UNC13C: variants seen among roughly 807,000 people sequenced by gnomAD.
UNC13C encodes the protein protein unc-13 homolog C.
UNC13C carries 174 observed loss-of-function variants against 245.4 expected under a neutral mutation model. That is an observed-to-expected ratio of 0.71 (90% CI 0.63 to 0.80). The LOEUF is 0.80. Ranked by LOEUF, UNC13C falls within the 30% of genes least tolerant of loss-of-function variation. The pLI is 0.00. For missense variants in UNC13C, 2,829 were observed against 2,602.9 expected (o/e 1.09, Z -1.89); for synonymous variants, 992 against 895.1 (o/e 1.11, Z -1.93).
the UNC13C span, among the ~76,000 whole-genome samples, chr15:53,851,908 A>G: frequency 3.3e-5 from 5 of 152,172 alleles, no homozygotes; most frequent in African/African-American, 1.2e-4. Flanking sequence ...ACCTCATCCC[A>G]TGCATCTCTT....
chr15:53,864,857 T>G, the UNC13C span, among the ~76,000 whole-genome samples: 1 of 152,186 alleles, frequency 6.6e-6, no homozygotes, highest in Non-Finnish European at 1.5e-5. Flanking sequence ...TATCATGCAA[T>G]TCGGTTTGTA....
At chr15:54,170,915 G>C (rs1381285061) in intron 4 of UNC13C, among the ~76,000 whole-genome samples, 1 of 152,154 alleles carries the variant, frequency 6.6e-6, no homozygotes, top group African/African-American at 2.4e-5. Context: ...GCAAGACTCA[G>C]ATGGCATCCC....
chr15:54,448,927 C>A (rs960237569), intron 19 of UNC13C, among the ~76,000 whole-genome samples: 1 of 152,090 alleles, frequency 6.6e-6, no homozygotes, highest in Non-Finnish European at 1.5e-5. Context: ...TGTTCCTTTC[C>A]ATGTTTAGTG....
At chr15:53,963,172 A>G in the UNC13C span, among the ~76,000 whole-genome samples, 3,439 of 152,218 alleles carry the variant, frequency 0.023, 169 homozygotes, top group East Asian at 0.16. Context: ...TGAGGTTTAC[A>G]TTATGGTTTA....
chr15:54,222,762 T>C (rs2035264112), intron 4 of UNC13C, among the ~76,000 whole-genome samples: 3 of 152,200 alleles, frequency 2.0e-5, no homozygotes, highest in South Asian at 4.1e-4. Context: ...TCATTTTGCC[T>C]GGTATTTGGA....
chr15:53,975,659 T>G (rs1230502868), upstream of UNC13C, among the ~76,000 whole-genome samples: 3 of 152,220 alleles, frequency 2.0e-5, no homozygotes, highest in African/African-American at 7.2e-5. Context: ...TTAGTCAAGC[T>G]TCACTACTAC....
intron 19 of UNC13C, among the ~76,000 whole-genome samples, chr15:54,443,360 T>C (rs1407264858): frequency 6.6e-6 from 1 of 152,080 alleles, no homozygotes; most frequent in Non-Finnish European, 1.5e-5. Flanking sequence ...AAAATCCAAT[T>C]TGTTTCATTG....
At chr15:54,184,491 C>A (rs996629458) in intron 4 of UNC13C, among the ~76,000 whole-genome samples, 2 of 152,022 alleles carry the variant, frequency 1.3e-5, no homozygotes, top group African/African-American at 4.8e-5. Context: ...TCGATCAATT[C>A]CCACCTATGA....
chr15:54,197,432 C>T (rs1046907184), intron 4 of UNC13C, among the ~76,000 whole-genome samples: 5 of 150,362 alleles, frequency 3.3e-5, no homozygotes, highest in South Asian at 2.1e-4. Context: ...CACTGCACTA[C>T]AGCCTGGGTG....
At chr15:54,406,124 C>T (rs1279254019) in intron 18 of UNC13C, among the ~76,000 whole-genome samples, 2 of 151,986 alleles carry the variant, frequency 1.3e-5, no homozygotes, top group Non-Finnish European at 2.9e-5. Flanking sequence ...CGGGAGACTT[C>T]AAAGGAAATA....
In UNC13C at chr15:54,145,184, A is replaced by G. The variant is rs150513782; in HGVS notation, c.3071+1500A>G. On this transcript the variant is annotated intron_variant, in intron 4 of 32. Coordinates refer to ENST00000260323, the MANE Select transcript of UNC13C (RefSeq NM_001080534.3). The stretch of plus-strand genomic sequence containing the variant: ...ATACATTTATGTACAGTATAAATAG[A>G]AGCAAAATTTAGAGGCATGTTTTAG... Among the ~76,000 whole-genome samples the G allele has an allele frequency of 1.4e-4, 22 of 152,182 alleles. No homozygotes were observed. The South Asian group carries it at 4.4e-3, about 30-fold the overall frequency.
intron 4 of UNC13C, among the ~76,000 whole-genome samples, chr15:54,165,753 G>T (rs1166132876): frequency 6.6e-6 from 1 of 151,842 alleles, no homozygotes; most frequent in Non-Finnish European, 1.5e-5. Context: ...TTAGTAAATT[G>T]TCCTCAACAT....
intron 20 of UNC13C, among the ~76,000 whole-genome samples, chr15:54,498,377 G>T (rs552942807): frequency 6.6e-6 from 1 of 152,016 alleles, no homozygotes; most frequent in African/African-American, 2.4e-5. Context: ...TCAACTCCAA[G>T]AAGATAATTA....
At chr15:54,138,952 A>ACTTTTTTTTTTTTT (rs1360382837) in intron 2 of UNC13C, among the ~76,000 whole-genome samples, 1 of 20,496 alleles carries the variant, frequency 4.9e-5, no homozygotes, top group Non-Finnish European at 1.1e-4. Context: ...AATTTCCCCT[A>ACTTTTTTTTTTTTT]ATTTTTTTTT....
chr15:53,853,412 A>C, the UNC13C span, among the ~76,000 whole-genome samples: 1 of 152,148 alleles, frequency 6.6e-6, no homozygotes, highest in Non-Finnish European at 1.5e-5. Flanking sequence ...ATTGATGGTC[A>C]TTTGGGTTGA....
intron 26 of UNC13C, among the ~76,000 whole-genome samples, chr15:54,541,949 C>T (rs1422827656): frequency 6.6e-6 from 1 of 151,954 alleles, no homozygotes; most frequent in African/African-American, 2.4e-5. Context: ...TGAACATTGG[C>T]GTATACTAAA....
the UNC13C span, among the ~76,000 whole-genome samples, chr15:53,849,660 A>G: frequency 2.0e-5 from 3 of 152,196 alleles, no homozygotes; most frequent in East Asian, 3.9e-4. Flanking sequence ...TTCATTTTTA[A>G]TGAAGACAAG....
chr15:54,412,785 T>G (rs1014338562), intron 18 of UNC13C, among the ~76,000 whole-genome samples: 1 of 152,198 alleles, frequency 6.6e-6, no homozygotes, highest in South Asian at 2.1e-4. Flanking sequence ...TTTATGTATT[T>G]CTCTTGCATT....
At chr15:53,898,665 C>T in the UNC13C span, among the ~76,000 whole-genome samples, 1 of 152,012 alleles carries the variant, frequency 6.6e-6, no homozygotes, top group African/African-American at 2.4e-5. Context: ...GTATAATTGA[C>T]AAAATGTGTA....
Sources: allele counts gnomAD v4.1 joint callset (sites outside exome capture counted in the v4.1 genomes callset), GRCh38; gene constraint gnomAD v4.1.1; transcripts MANE v1.5; gene names NCBI Gene and HGNC (gene_info 2026-07-23, HGNC 2026-07-21).